TBC1D32: variants seen among roughly 807,000 people sequenced by gnomAD.
TBC1D32 encodes the protein protein broad-minded.
Under a neutral mutation model 170.3 loss-of-function variants are expected in TBC1D32, and 151 were observed. The observed-to-expected ratio is 0.89, with a 90% CI of 0.78 to 1.01. TBC1D32 has a LOEUF of 1.01. TBC1D32 is among the 50% of genes least tolerant of loss of function. The pLI is 0.00. For synonymous variants in TBC1D32, 498 were observed against 488.0 expected (o/e 1.02, Z -0.27); for missense variants, 1,464 against 1,457.1 (o/e 1.00, Z -0.08).
intron 22 of TBC1D32, among the ~76,000 whole-genome samples, chr6:121,179,992 A>G (rs1339039813): frequency 6.6e-6 from 1 of 152,136 alleles, no homozygotes; most frequent in Non-Finnish European, 1.5e-5. Context: ...TATAATATAC[A>G]CTGGGGAACA....
At position 121,276,005 on chromosome 6, in the gene TBC1D32, A is replaced by G. The variant is rs192899910; in HGVS notation, c.1733+3116T>C. Among the ~76,000 whole-genome samples the G allele has an allele frequency of 3.9e-3, 591 of 151,746 alleles. 2 individuals are homozygous for G. Among genetic ancestry groups the G allele is most frequent in the Non-Finnish European group, 7.0e-3 (474 of 67,906 alleles). On this transcript the variant is annotated intron_variant, in intron 15 of 31. Coordinates refer to ENST00000398212, the MANE Select transcript of TBC1D32 (RefSeq NM_152730.6). ...AAGGTGGTGCACACCTATAGGTCCC[A>G]GCTACTTGGGAGACTGAAGCACGAG...
At chr6:121,147,860 G>A (rs954067807) in intron 24 of TBC1D32, among the ~76,000 whole-genome samples, 33 of 151,264 alleles carry the variant, frequency 2.2e-4, no homozygotes, top group Admixed American at 1.5e-3. Flanking sequence ...TCAAAGTGCT[G>A]GGATTACAGG....
intron 15 of TBC1D32, among the ~76,000 whole-genome samples, chr6:121,268,778 T>A (rs534314310): frequency 1.2e-4 from 19 of 152,072 alleles, no homozygotes; most frequent in African/African-American, 4.6e-4. Context: ...AAGATACTCC[T>A]CAAGAAGAGC....
intron 29 of TBC1D32, among the ~76,000 whole-genome samples, chr6:121,110,001 C>T (rs2128194866): frequency 6.6e-6 from 1 of 152,012 alleles, no homozygotes; most frequent in African/African-American, 2.4e-5. Flanking sequence ...CCTGTAATCC[C>T]AGCACTTTGG....
chr6:121,334,563 C>G, upstream of TBC1D32: 1 of 1,094,222 alleles, frequency 9.1e-7, no homozygotes, highest in Non-Finnish European at 1.3e-6. Context: ...CGGCGAGCGC[C>G]TGTGCCTGCG....
Position 121,183,956 on chromosome 6 carries a change from G to C in TBC1D32, c.2570+21119C>G, listed in dbSNP as rs187734747. Among the ~76,000 whole-genome samples the C allele has an allele frequency of 2.0e-5, 3 of 152,016 alleles. No individual in the cohort carries two copies. In the East Asian group the frequency reaches 5.8e-4, roughly 29 times the overall value. On this transcript the variant is annotated intron_variant, in intron 22 of 31. Coordinates refer to ENST00000398212, the MANE Select transcript of TBC1D32 (RefSeq NM_152730.6). ...CTTCCCATATACACCACAGAAGCTG[G>C]AAGTATTGCTCAATCTGCCCAATGA...
At chr6:121,186,431 TA>T (rs1309927383) in intron 22 of TBC1D32, among the ~76,000 whole-genome samples, 1 of 151,748 alleles carries the variant, frequency 6.6e-6, no homozygotes, top group Non-Finnish European at 1.5e-5. Context: ...GCTTTAGATA[TA>T]AAAAAACAAA....
intron 22 of TBC1D32, among the ~76,000 whole-genome samples, chr6:121,202,214 A>T (rs1398757161): frequency 6.7e-6 from 1 of 148,502 alleles, no homozygotes; most frequent in African/African-American, 2.5e-5. Context: ...GAAACCTAGG[A>T]TCCTTGGTCC....
chr6:121,123,828 TA>T (rs1780539599), intron 26 of TBC1D32, among the ~76,000 whole-genome samples: 1 of 151,978 alleles, frequency 6.6e-6, no homozygotes, highest in South Asian at 2.1e-4. Context: ...CTTTTGCATT[TA>T]TTTTTTTCTG....
At chr6:121,182,077 T>A (rs1245585253) in intron 22 of TBC1D32, among the ~76,000 whole-genome samples, 1 of 152,068 alleles carries the variant, frequency 6.6e-6, no homozygotes, top group African/African-American at 2.4e-5. Context: ...ATACACTGTC[T>A]AGCAATATAT....
chr6:121,295,411 G>C (rs1805468979), intron 10 of TBC1D32, among the ~76,000 whole-genome samples: 1 of 151,736 alleles, frequency 6.6e-6, no homozygotes, highest in Non-Finnish European at 1.5e-5. Flanking sequence ...AATAAAGCCA[G>C]ACTATACCAA....
intron 20 of TBC1D32, among the ~76,000 whole-genome samples, chr6:121,228,107 G>A (rs1795285441): frequency 6.6e-6 from 1 of 151,764 alleles, no homozygotes; most frequent in Admixed American, 6.6e-5. Context: ...TAATATCTGT[G>A]GAATCATTAG....
At chr6:121,170,901 C>T (rs1786885817) in intron 22 of TBC1D32, among the ~76,000 whole-genome samples, 1 of 152,026 alleles carries the variant, frequency 6.6e-6, no homozygotes, top group South Asian at 2.1e-4. Context: ...AAAGTTATGA[C>T]AGAATCATCA....
intron 30 of TBC1D32, among the ~76,000 whole-genome samples, chr6:121,099,404 A>T (rs955200050): frequency 6.6e-6 from 1 of 151,962 alleles, no homozygotes; most frequent in Middle Eastern, 3.2e-3. Context: ...AGTAATTACC[A>T]AAAGAAACTA....
At chr6:121,108,005 G>T (rs1778852428) in intron 29 of TBC1D32, among the ~76,000 whole-genome samples, 1 of 152,092 alleles carries the variant, frequency 6.6e-6, no homozygotes, top group African/African-American at 2.4e-5. Context: ...TGGTAACACA[G>T]CTCCTGATAC....
At chr6:121,153,266 C>T (rs2128236867) in intron 24 of TBC1D32, among the ~76,000 whole-genome samples, 1 of 152,256 alleles carries the variant, frequency 6.6e-6, no homozygotes, top group East Asian at 1.9e-4. Flanking sequence ...TGCACATCTG[C>T]TGGAGTTTGC....
At chr6:121,083,067 A>G (rs1775806501) in intron 31 of TBC1D32, among the ~76,000 whole-genome samples, 1 of 151,922 alleles carries the variant, frequency 6.6e-6, no homozygotes, top group Admixed American at 6.6e-5. Context: ...TTTTTAGTGG[A>G]TAACTTTTAC....
At chr6:121,124,270 A>C (rs149041565) in intron 26 of TBC1D32, among the ~76,000 whole-genome samples, 1,987 of 152,054 alleles carry the variant, frequency 0.013, 36 homozygotes, top group African/African-American at 0.044. Flanking sequence ...ATTCTCCTTC[A>C]TTTCTTAAGG....
intron 3 of TBC1D32, among the ~76,000 whole-genome samples, chr6:121,314,312 C>T (rs1376410434): frequency 6.6e-6 from 1 of 152,160 alleles, no homozygotes; most frequent in Admixed American, 6.5e-5. Flanking sequence ...CTGGATAACT[C>T]GAGATCATCC....
Sources: gnomAD v4.1 joint callset for allele counts (sites outside exome capture counted in the v4.1 genomes callset) on GRCh38, gnomAD v4.1.1 for gene constraint, MANE v1.5 for transcripts, NCBI Gene and HGNC (gene_info 2026-07-23, HGNC 2026-07-21) for gene names.